SYT9: variants seen among roughly 807,000 people sequenced by gnomAD.
SYT9 encodes the protein synaptotagmin 9.
Under a neutral mutation model 48.4 loss-of-function variants are expected in SYT9, and 22 were observed. The observed-to-expected ratio is 0.45, with a 90% CI of 0.32 to 0.65. The LOEUF (loss-of-function observed/expected upper bound fraction) is 0.65, where lower values mean the gene tolerates loss of function less well. Among genes scored for constraint, SYT9 ranks in the 30% least tolerant of loss-of-function variants. SYT9 has a pLI of 0.03. For synonymous variants in SYT9, 265 were observed against 245.0 expected, an observed-to-expected ratio of 1.08 and a Z score of -0.76; for missense variants, 577 against 622.0, an observed-to-expected ratio of 0.93 and a Z score of 0.77.
chr11:7,437,203 T>C (rs1847727877), intron 6 of SYT9, among the ~76,000 whole-genome samples: 1 of 152,208 alleles, frequency 6.6e-6, no homozygotes, highest in Non-Finnish European at 1.5e-5. Flanking sequence ...TCTTGGAATT[T>C]CCAGTGCTTC....
At chr11:7,401,534 G>A (rs1032265382) in intron 3 of SYT9, among the ~76,000 whole-genome samples, 9 of 151,478 alleles carry the variant, frequency 5.9e-5, no homozygotes, top group Admixed American at 5.3e-4. Flanking sequence ...TTTGTTGGAA[G>A]GTTTTTAGCA....
At position 7,397,657 on chromosome 11, in the gene SYT9, A is replaced by G. The variant is rs1846783110; in HGVS notation, c.1045-18385A>G. On this transcript the variant is annotated intron_variant, in intron 3 of 6. Transcript: ENST00000318881. ...TGAGTATCCCAATCCATGAGCATGG[A>G]AACTCTTCATATATTTATATCTTAT... 1.3e-5 allele frequency among the ~76,000 whole-genome samples: 2 copies of G among 152,164 alleles called. 1 individual carries two copies. The highest frequency in any genetic ancestry group is 4.1e-4 in the South Asian group (2 of 4,830).
At chr11:7,264,034 C>G (rs1210749632) in intron 1 of SYT9, among the ~76,000 whole-genome samples, 3 of 152,020 alleles carry the variant, frequency 2.0e-5, no homozygotes, top group Admixed American at 6.6e-5. Context: ...GGTTTTTCAA[C>G]AACAGTTTGT....
intron 4 of SYT9, among the ~76,000 whole-genome samples, chr11:7,417,016 A>G (rs1847263869): frequency 6.6e-6 from 1 of 152,212 alleles, no homozygotes; most frequent in African/African-American, 2.4e-5. Flanking sequence ...AAATGCCTCT[A>G]TATGCATTGC....
intron 3 of SYT9, among the ~76,000 whole-genome samples, chr11:7,394,874 T>A (rs1012415922): frequency 1.3e-5 from 2 of 152,142 alleles, no homozygotes; most frequent in Non-Finnish European, 2.9e-5. Context: ...GTATGTTGTT[T>A]CTCCGTTTTC....
chr11:7,406,790 G>T (rs1847023752), intron 3 of SYT9, among the ~76,000 whole-genome samples: 1 of 151,940 alleles, frequency 6.6e-6, no homozygotes, highest in African/African-American at 2.4e-5. Flanking sequence ...CATAGTGGTT[G>T]TACTAATTTA....
intron 3 of SYT9, among the ~76,000 whole-genome samples, chr11:7,370,703 G>T (rs1850346575): frequency 6.6e-6 from 1 of 152,098 alleles, no homozygotes. Context: ...TAACCATGAA[G>T]AATAAGCCTC....
chr11:7,254,808 C>T (rs1847937104), intron 1 of SYT9, among the ~76,000 whole-genome samples: 1 of 152,154 alleles, frequency 6.6e-6, no homozygotes, highest in Non-Finnish European at 1.5e-5. Flanking sequence ...GATATAATTT[C>T]CTGTGGACAG....
At chr11:7,314,217 T>A (rs761733274) in intron 3 of SYT9, 4 of 562,472 alleles carry the variant, frequency 7.1e-6, no homozygotes, top group Non-Finnish European at 1.3e-5. Flanking sequence ...ACAGCAGGTG[T>A]TATCTGTCCT....
chr11:7,348,441 C>G (rs898309332), intron 3 of SYT9, among the ~76,000 whole-genome samples: 3 of 152,174 alleles, frequency 2.0e-5, no homozygotes, highest in African/African-American at 7.2e-5. Context: ...GCTTTCTTAA[C>G]ACACTGGGTT....
intron 3 of SYT9, among the ~76,000 whole-genome samples, chr11:7,341,362 T>A (rs547858436): frequency 6.6e-6 from 1 of 152,276 alleles, no homozygotes; most frequent in African/African-American, 2.4e-5. Flanking sequence ...ACAATCCCCA[T>A]GTGTTGTGGG....
chr11:7,451,252 T>A (rs1160750617), intron 6 of SYT9, among the ~76,000 whole-genome samples: 1 of 152,218 alleles, frequency 6.6e-6, no homozygotes, highest in Non-Finnish European at 1.5e-5. Flanking sequence ...CCCTTTGTTT[T>A]TAAAACTCTG....
intron 1 of SYT9, among the ~76,000 whole-genome samples, chr11:7,241,254 C>T (rs1313096984): frequency 6.6e-6 from 1 of 151,092 alleles, no homozygotes; most frequent in African/African-American, 2.4e-5. Context: ...ACTCACCCCC[C>T]CCACACACAG....
intron 2 of SYT9, among the ~76,000 whole-genome samples, chr11:7,303,831 T>G (rs1312640813): frequency 1.3e-5 from 2 of 152,176 alleles, no homozygotes; most frequent in Non-Finnish European, 2.9e-5. Context: ...GCCCTCCTAC[T>G]GCTTTAGAAT....
intron 3 of SYT9, among the ~76,000 whole-genome samples, chr11:7,405,310 C>T (rs1472266726): frequency 6.6e-6 from 1 of 152,064 alleles, no homozygotes; most frequent in Non-Finnish European, 1.5e-5. Context: ...AGTAACACAC[C>T]CTCCTCCACA....
intron 1 of SYT9, among the ~76,000 whole-genome samples, chr11:7,240,602 A>C (rs980787245): frequency 2.0e-5 from 3 of 152,208 alleles, no homozygotes; most frequent in African/African-American, 7.2e-5. Flanking sequence ...TTACTATTTG[A>C]TTCAAGTAGT....
At chr11:7,387,596 C>T (rs1463726418) in intron 3 of SYT9, among the ~76,000 whole-genome samples, 1 of 152,120 alleles carries the variant, frequency 6.6e-6, no homozygotes, top group African/African-American at 2.4e-5. Context: ...ACCTCAAATA[C>T]AATGTTCAAT....
At chr11:7,329,921 A>T (rs1849497733) in intron 3 of SYT9, among the ~76,000 whole-genome samples, 1 of 152,174 alleles carries the variant, frequency 6.6e-6, no homozygotes, top group South Asian at 2.1e-4. Flanking sequence ...ATTCCTGTGA[A>T]CATGTGTGGA....
At chr11:7,301,077 A>T (rs1848910995) in intron 1 of SYT9, among the ~76,000 whole-genome samples, 1 of 152,224 alleles carries the variant, frequency 6.6e-6, no homozygotes, top group South Asian at 2.1e-4. Context: ...ACAATTCCAG[A>T]TATTCCTCAA....
Sources: allele counts gnomAD v4.1 joint callset (sites outside exome capture counted in the v4.1 genomes callset), GRCh38; gene constraint gnomAD v4.1.1; transcripts MANE v1.5; gene names NCBI Gene and HGNC (gene_info 2026-07-23, HGNC 2026-07-21).